Variants in GREB1L observed in about 807,000 individuals in gnomAD.
The protein encoded by GREB1L is GREB1 like retinoic acid receptor coactivator, also known as GREB1-like protein.
GREB1L carries 17 observed loss-of-function variants against 200.8 expected under a neutral mutation model. The ratio of observed to expected loss-of-function variants is 0.08; its 90% CI spans 0.06 to 0.13. The LOEUF (loss-of-function observed/expected upper bound fraction) is 0.13, where lower values mean the gene tolerates loss of function less well. GREB1L is among the 10% of genes least tolerant of loss of function. The probability of loss-of-function intolerance (pLI) is 1.00; values close to 1 mark genes in which losing one functional copy is unlikely to be tolerated. For missense variants in GREB1L, 1,657 were observed against 2,367.7 expected (o/e 0.70, Z 6.23); for synonymous variants, 789 against 893.0 (o/e 0.88, Z 2.08).
At chr18:21,383,376 C>T in intron 2 of GREB1L, 134 bp from the exon 3 acceptor site, 1 of 657,764 alleles carries the variant, frequency 1.5e-6, no homozygotes, top group South Asian at 2.5e-5. Context: ...CTTAAGATCT[C>T]TGGGTAGTTC....
At chr18:21,295,674 C>T (rs894538894) in intron 1 of GREB1L, among the ~76,000 whole-genome samples, 8 of 152,162 alleles carry the variant, frequency 5.3e-5, no homozygotes, top group Non-Finnish European at 1.2e-4. Flanking sequence ...CTTCAAGGAG[C>T]GCCCTCCACT....
intron 1 of GREB1L, among the ~76,000 whole-genome samples, chr18:21,325,813 C>CAAAA (rs60239796): frequency 2.4e-5 from 1 of 41,696 alleles, no homozygotes; most frequent in Non-Finnish European, 8.8e-5. Context: ...GACCTTGTCT[C>CAAAA]AAAAAAAAAA....
At chr18:21,449,160 A>G (rs1049444912) in intron 11 of GREB1L, among the ~76,000 whole-genome samples, 4 of 152,228 alleles carry the variant, frequency 2.6e-5, no homozygotes, top group African/African-American at 9.6e-5. Flanking sequence ...AACAATTTCT[A>G]TAATGCCAAG....
intron 19 of GREB1L, among the ~76,000 whole-genome samples, chr18:21,491,840 A>T (rs1485733108): frequency 6.6e-6 from 1 of 152,208 alleles, no homozygotes; most frequent in Non-Finnish European, 1.5e-5. Flanking sequence ...TGGAACAAAT[A>T]AAATTGTCCA....
At chr18:21,410,069 A>G (rs2030775665) in intron 7 of GREB1L, among the ~76,000 whole-genome samples, 1 of 152,084 alleles carries the variant, frequency 6.6e-6, no homozygotes. Flanking sequence ...GTCTTTATTA[A>G]TTTATTAATA....
At chr18:21,268,554 C>CATAT (rs2038018396) in intron 1 of GREB1L, among the ~76,000 whole-genome samples, 1 of 96,872 alleles carries the variant, frequency 1.0e-5, no homozygotes, top group Non-Finnish European at 1.9e-5. Flanking sequence ...CACACACACA[C>CATAT]ACACACATAT....
intron 14 of GREB1L, among the ~76,000 whole-genome samples, chr18:21,454,130 T>A (rs1369589306): frequency 6.6e-6 from 1 of 152,192 alleles, no homozygotes; most frequent in Non-Finnish European, 1.5e-5. Context: ...AATCAATTTT[T>A]AAATAATACA....
At chr18:21,255,228 T>C (rs2037782781) in intron 1 of GREB1L, among the ~76,000 whole-genome samples, 1 of 152,240 alleles carries the variant, frequency 6.6e-6, no homozygotes, top group Non-Finnish European at 1.5e-5. Context: ...ATCCTGCTCA[T>C]GTGCATTCCT....
intron 7 of GREB1L, among the ~76,000 whole-genome samples, chr18:21,427,052 G>C (rs560659470): frequency 2.3e-4 from 35 of 151,090 alleles, no homozygotes; most frequent in African/African-American, 8.5e-4. Flanking sequence ...TTTAGGATTA[G>C]TTTGTCAATT....
intron 5 of GREB1L, among the ~76,000 whole-genome samples, chr18:21,400,813 A>G (rs2041286577): frequency 6.6e-6 from 1 of 152,146 alleles, no homozygotes; most frequent in Admixed American, 6.5e-5. Flanking sequence ...GGAAGAAATA[A>G]TAGACATTCT....
At position 21,515,433 on chromosome 18, in the gene GREB1L, G is replaced by C; in HGVS notation, c.4918G>C (p.Gly1640Arg). The part of the protein sequence containing the change: ...QEPSSQPMEV[G>R]VSSKNVSLKT... ...ATTTCATAGCCAGCCCATGGAAGTA[G>C]GAGTTTCCAGTAAGAATGTGTCCTT... The change falls in exon 29 of 33, where the codon GGA becomes CGA. Residue 1640 changes from glycine to arginine, a missense_variant. Transcript: ENST00000424526. 6.4e-7 allele frequency: 1 copy of C among 1,550,424 alleles called. No homozygotes were observed. The highest frequency in any genetic ancestry group is 8.7e-7 in the Non-Finnish European group (1 of 1,145,890).
At position 21,500,615 on chromosome 18, in the gene GREB1L, G is replaced by A. The variant is rs1195610031; in HGVS notation, c.4045G>A (p.Val1349Met). The change falls in exon 23 of 33, where the codon GTG (valine) becomes ATG (methionine). Residue 1349 changes from valine (V) to methionine (M), a missense_variant. Physicochemically the swap from Val to Met is conservative, Grantham distance 21 (BLOSUM62 1). This residue lies in a region of GREB1L where 512 missense variants were observed against 668.3 expected (regional missense o/e 0.77). Transcript: ENST00000424526. Reference protein sequence around the residue: ...RMLIRLLEVDVYDEEEINTDH... With the variant: ...RMLIRLLEVDMYDEEEINTDH... Reference sequence around the variant, plus strand: ...GCTCATCAGGCTCCTGGAGGTGGACGTGTATGATGAGGAGGAGATCAACAC... The same window carrying A: ...GCTCATCAGGCTCCTGGAGGTGGACATGTATGATGAGGAGGAGATCAACAC... 3.2e-6 allele frequency: 5 copies of A among 1,550,826 alleles called. No homozygotes were observed. The highest frequency in any genetic ancestry group is 1.2e-5 in the South Asian group (1 of 83,900).
At chr18:21,456,487 GTTT>G (rs1357920019) in intron 15 of GREB1L, among the ~76,000 whole-genome samples, 1 of 152,036 alleles carries the variant, frequency 6.6e-6, no homozygotes, top group Non-Finnish European at 1.5e-5. Context: ...GAAATTAAAA[GTTT>G]TTAAAAAGGC....
chr18:21,347,934 T>G (rs2039374497), intron 1 of GREB1L, among the ~76,000 whole-genome samples: 1 of 58,228 alleles, frequency 1.7e-5, no homozygotes, highest in Non-Finnish European at 3.2e-5. Flanking sequence ...ACTCGGCTAA[T>G]TTTTTTTTTT....
intron 15 of GREB1L, among the ~76,000 whole-genome samples, chr18:21,463,259 C>T (rs1325759182): frequency 1.3e-5 from 2 of 150,626 alleles, no homozygotes; most frequent in African/African-American, 4.9e-5. Flanking sequence ...CATTCTCCTG[C>T]CTCAGCCTCC....
intron 1 of GREB1L, among the ~76,000 whole-genome samples, chr18:21,351,045 G>A (rs1445952430): frequency 6.6e-6 from 1 of 152,026 alleles, no homozygotes; most frequent in Non-Finnish European, 1.5e-5. Context: ...GGGTAAGATG[G>A]AAATATATAT....
intron 15 of GREB1L, among the ~76,000 whole-genome samples, chr18:21,467,892 G>A (rs540888008): frequency 9.9e-5 from 15 of 152,154 alleles, no homozygotes; most frequent in Non-Finnish European, 2.1e-4. Flanking sequence ...GGGCGTGGTG[G>A]CATGCACCTG....
chr18:21,266,923 G>GT (rs1489547146), intron 1 of GREB1L, among the ~76,000 whole-genome samples: 2 of 151,974 alleles, frequency 1.3e-5, no homozygotes, highest in Admixed American at 6.6e-5. Context: ...ACATTTAGCT[G>GT]TTTTTTTGTT....
At chr18:21,297,142 GA>G (rs929632338) in intron 1 of GREB1L, among the ~76,000 whole-genome samples, 1 of 152,078 alleles carries the variant, frequency 6.6e-6, no homozygotes, top group African/African-American at 2.4e-5. Context: ...CAGACCCAGG[GA>G]AACAGAATTT....
Sources: allele counts gnomAD v4.1 joint callset (sites outside exome capture counted in the v4.1 genomes callset), GRCh38; gene constraint gnomAD v4.1.1; regional missense constraint gnomAD v4.1.1; transcripts MANE v1.5; gene names NCBI Gene and HGNC (gene_info 2026-07-23, HGNC 2026-07-21).